Variants in USH2A observed in about 807,000 individuals in gnomAD.
The protein encoded by USH2A is usherin.
USH2A carries 443 observed loss-of-function variants against 538.9 expected under a neutral mutation model. The ratio of observed to expected loss-of-function variants is 0.82; its 90% CI spans 0.76 to 0.89. USH2A has a LOEUF of 0.89. Among genes scored for constraint, USH2A ranks in the 40% least tolerant of loss-of-function variants. The pLI is 0.00. For synonymous variants in USH2A, 2,413 were observed against 2,273.5 expected, an observed-to-expected ratio of 1.06 and a Z score of -1.75; for missense variants, 6,633 against 6,324.8, an observed-to-expected ratio of 1.05 and a Z score of -1.65.
chr1:216,029,832 C>T (rs947967112), intron 32 of USH2A, among the ~76,000 whole-genome samples: 2 of 151,172 alleles, frequency 1.3e-5, no homozygotes, highest in African/African-American at 2.4e-5. Context: ...TTAGGAGGGC[C>T]CTGTTATGAT....
chr1:216,135,506 T>G lies in USH2A; in HGVS notation c.4628-38293A>C, dbSNP rs141352681. Among the ~76,000 whole-genome samples the G allele has an allele frequency of 4.3e-3, 659 of 152,144 alleles. 1 individual carries two copies. The highest frequency in any genetic ancestry group is 0.015 in the African/African-American group (633 of 41,548). On this transcript the variant is annotated intron_variant, in intron 21 of 71. Transcript: ENST00000307340. ...CCAATCTCAATTACAATAAACTCAG[T>G]TGACTAAACAATCACATATTATCAT...
At chr1:216,016,691 C>T (rs1668720092) in intron 32 of USH2A, among the ~76,000 whole-genome samples, 2 of 152,108 alleles carry the variant, frequency 1.3e-5, no homozygotes, top group Admixed American at 1.3e-4. Flanking sequence ...CTTATGACCC[C>T]TAACACCTTG....
At chr1:216,206,419 A>G (rs1199984981) in intron 16 of USH2A, among the ~76,000 whole-genome samples, 1 of 152,154 alleles carries the variant, frequency 6.6e-6, no homozygotes, top group Non-Finnish European at 1.5e-5. Context: ...TTATTAGATT[A>G]TCATAAGGAG....
chr1:216,314,157 C>T (rs2037468510), intron 9 of USH2A, among the ~76,000 whole-genome samples: 3 of 152,088 alleles, frequency 2.0e-5, no homozygotes, highest in African/African-American at 7.2e-5. Flanking sequence ...TTTATACTTT[C>T]ACTATCTCTA....
At chr1:215,680,093 T>C (rs2102671595) in intron 62 of USH2A, 56 bp downstream of exon 62, 1 of 1,559,028 alleles carries the variant, frequency 6.4e-7, no homozygotes, top group Non-Finnish European at 8.8e-7. Context: ...ATGTCAGGGC[T>C]CATCTATTTA....
At chr1:216,251,472 A>ATTTTT (rs2036161521) in intron 11 of USH2A, among the ~76,000 whole-genome samples, 2 of 61,942 alleles carry the variant, frequency 3.2e-5, no homozygotes, top group Non-Finnish European at 6.3e-5. Flanking sequence ...TTTTTTTGAG[A>ATTTTT]TGGAGTCTCG....
At chr1:216,250,427 G>C (rs998001141) in intron 12 of USH2A, among the ~76,000 whole-genome samples, 3 of 151,982 alleles carry the variant, frequency 2.0e-5, no homozygotes, top group Admixed American at 6.6e-5. Flanking sequence ...CATAGGAACA[G>C]TTCAAAGAAA....
intron 30 of USH2A, among the ~76,000 whole-genome samples, chr1:216,065,146 T>C (rs2031308633): frequency 6.6e-6 from 1 of 152,216 alleles, no homozygotes. Flanking sequence ...ATGTATGACA[T>C]GCCTTTTGAG....
At chr1:216,338,975 G>A (rs900073102) in intron 4 of USH2A, among the ~76,000 whole-genome samples, 2 of 151,502 alleles carry the variant, frequency 1.3e-5, no homozygotes, top group Non-Finnish European at 3.0e-5. Context: ...ATATCAAAAT[G>A]GAAGATAAGA....
At position 216,121,104 on chromosome 1, in the gene USH2A, G is replaced by A. The variant is rs1028055334; in HGVS notation, c.4628-23891C>T. On this transcript the variant is annotated intron_variant, in intron 21 of 71. Transcript: ENST00000307340. ...ATAATATGTAACTTCTGAATAAGTA[G>A]GAACAAATCCTTTAATTATTTGGCA... Among the ~76,000 whole-genome samples the A allele has an allele frequency of 2.6e-5, 4 of 152,198 alleles. No homozygotes were observed. In the South Asian group the frequency reaches 8.3e-4, roughly 32 times the overall value.
chr1:216,289,491 C>G, intron 10 of USH2A, 81 bp from the exon 11 acceptor site: 1 of 1,591,912 alleles, frequency 6.3e-7, no homozygotes, highest in Non-Finnish European at 8.6e-7. Flanking sequence ...GACTGTATTC[C>G]TTTGAGGGAA....
At chr1:215,634,852 G>T in intron 69 of USH2A, 149 bp from the exon 70 acceptor site, 1 of 1,358,048 alleles carries the variant, frequency 7.4e-7, no homozygotes. Context: ...TGTGCAGCCT[G>T]GGGTAATGGT....
intron 32 of USH2A, among the ~76,000 whole-genome samples, chr1:216,016,297 C>A (rs1668710044): frequency 6.6e-6 from 1 of 152,076 alleles, no homozygotes; most frequent in East Asian, 1.9e-4. Flanking sequence ...ACATATGTAA[C>A]AAACCTGCAC....
chr1:216,193,541 G>C (rs369338526), intron 19 of USH2A, among the ~76,000 whole-genome samples: 2 of 152,058 alleles, frequency 1.3e-5, no homozygotes, highest in Non-Finnish European at 2.9e-5. Flanking sequence ...ATAAGACCTT[G>C]TTTGGAAATA....
At chr1:215,837,855 T>G in intron 47 of USH2A, 136 bp downstream of exon 47, 1 of 747,672 alleles carries the variant, frequency 1.3e-6, no homozygotes, top group Non-Finnish European at 2.4e-6. Flanking sequence ...TGAAATAATA[T>G]CAAAAATTTG....
At chr1:216,231,098 T>C (rs1452887104) in intron 14 of USH2A, among the ~76,000 whole-genome samples, 1 of 149,812 alleles carries the variant, frequency 6.7e-6, no homozygotes, top group Non-Finnish European at 1.5e-5. Context: ...TATCACAGAA[T>C]ACAAAGCTAT....
Position 216,175,301 on chromosome 1 carries a change from C to T in USH2A, c.4578G>A (p.Gly1526=), listed in dbSNP as rs147560504. 6 of 1,613,710 alleles carry T rather than the reference C, an allele frequency of 3.7e-6. No homozygotes were observed. Among genetic ancestry groups the T allele is most frequent in the Middle Eastern group, 1.7e-4 (1 of 6,058 alleles). The change falls in exon 21 of 72, where the codon GGG becomes GGA. Residue 1526 remains glycine, a synonymous_variant. Coordinates refer to ENST00000307340, the MANE Select transcript of USH2A (RefSeq NM_206933.4). Reference sequence around the variant, plus strand: ...GAGTGGAGCTGGGAAATTTACAATACCCATTTCCTATGAAACGGATTCCTT... The same window carrying T: ...GAGTGGAGCTGGGAAATTTACAATATCCATTTCCTATGAAACGGATTCCTT... The part of the protein sequence containing the change: ...MMKGIRFIGN[G]YCKFPSSTHP...
chr1:215,911,749 G>T (rs1165621799), intron 38 of USH2A, among the ~76,000 whole-genome samples: 1 of 151,978 alleles, frequency 6.6e-6, no homozygotes, highest in East Asian at 1.9e-4. Flanking sequence ...TGAGTCATAT[G>T]GTAGCTCAAT....
At position 215,837,977 on chromosome 1, in the gene USH2A, A is replaced by G; in HGVS notation, c.9371+14T>C. 2 of 1,597,542 alleles carry G rather than the reference A, an allele frequency of 1.3e-6. No homozygotes were observed. The highest frequency in any genetic ancestry group is 1.3e-5 in the African/African-American group (1 of 74,706). On this transcript the variant is annotated intron_variant, in intron 47 of 71. Coordinates refer to ENST00000307340, the MANE Select transcript of USH2A (RefSeq NM_206933.4). ...TCAGAGTTCCTTAGATTTAACTGAC[A>G]CAAAATTTTGTACCTTGAAGTGATG...
Sources: gnomAD v4.1 joint callset for allele counts (sites outside exome capture counted in the v4.1 genomes callset) on GRCh38, gnomAD v4.1.1 for gene constraint, MANE v1.5 for transcripts, NCBI Gene and HGNC (gene_info 2026-07-23, HGNC 2026-07-21) for gene names.